ATP12A: variants seen among roughly 807,000 people sequenced by gnomAD.
The protein encoded by ATP12A is ATPase H+/K+ transporting non-gastric alpha2 subunit.
A neutral mutation model predicts 111.2 loss-of-function variants in ATP12A; 81 were observed. The ratio of observed to expected loss-of-function variants is 0.73; its 90% CI spans 0.61 to 0.88. The LOEUF (loss-of-function observed/expected upper bound fraction) is 0.88, where lower values mean the gene tolerates loss of function less well. ATP12A is among the 40% of genes least tolerant of loss of function. ATP12A has a pLI of 0.00. For missense variants in ATP12A, 1,196 were observed against 1,313.1 expected (o/e 0.91, Z 1.38); for synonymous variants, 498 against 499.8 (o/e 1.00, Z 0.05).
chr13:24,695,376 C>A (rs567779673), intron 11 of ATP12A, among the ~76,000 whole-genome samples: 1 of 152,224 alleles, frequency 6.6e-6, no homozygotes, highest in South Asian at 2.1e-4. Flanking sequence ...CAGGGCTGGC[C>A]GACAGTCAGC....
At chr13:24,705,887 T>C (rs2137718602) in intron 14 of ATP12A, among the ~76,000 whole-genome samples, 1 of 152,274 alleles carries the variant, frequency 6.6e-6, no homozygotes. Context: ...TTGCCCAGGC[T>C]GGTCTTGAAC....
At chr13:24,710,330 A>T (rs2137725711) in intron 19 of ATP12A, 130 bp from the exon 20 acceptor site, 1 of 1,112,282 alleles carries the variant, frequency 9.0e-7, no homozygotes, top group Non-Finnish European at 1.3e-6. Flanking sequence ...CTTTCCAAAC[A>T]CTAGAAGGTG....
At chr13:24,682,087 G>GGT (rs564396132) in intron 2 of ATP12A, among the ~76,000 whole-genome samples, 11,484 of 111,672 alleles carry the variant, frequency 0.1, 1,144 homozygotes, top group South Asian at 0.13. Flanking sequence ...GTGTATGTGT[G>GGT]GTGTGTGTGA....
intron 5 of ATP12A, among the ~76,000 whole-genome samples, chr13:24,690,029 G>T (rs895892810): frequency 6.6e-5 from 10 of 152,116 alleles, no homozygotes; most frequent in Admixed American, 3.3e-4. Flanking sequence ...GGCTTGGCCA[G>T]ATCTGGCCAA....
intron 10 of ATP12A, 35 bp downstream of exon 10, chr13:24,692,931 G>C: frequency 6.3e-7 from 1 of 1,586,186 alleles, no homozygotes; most frequent in Non-Finnish European, 8.7e-7. Context: ...TTAAATCACA[G>C]CCAGTTTGTA....
chr13:24,692,784 C>T lies in ATP12A; in HGVS notation c.1268-3C>T, dbSNP rs1341484513. On this transcript the variant is annotated splice_polypyrimidine_tract_variant and splice_region_variant and intron_variant, in intron 9 of 22. Coordinates refer to ENST00000381946, the MANE Select transcript of ATP12A (RefSeq NM_001676.7). The stretch of plus-strand genomic sequence containing the variant: ...CAGCCACTGTTCTTTCTCTGTCTTC[C>T]AGACCAAGTCTTTGACCAAAGCTCT... The T allele has an allele frequency of 6.2e-7, 1 of 1,613,692 alleles. No individual in the cohort carries two copies. The highest frequency in any genetic ancestry group is 8.5e-7 in the Non-Finnish European group (1 of 1,179,696).
chr13:24,698,080 T>C (rs565862106), intron 11 of ATP12A, among the ~76,000 whole-genome samples: 6 of 152,272 alleles, frequency 3.9e-5, no homozygotes, highest in Non-Finnish European at 7.3e-5. Context: ...AGAAGTAGAA[T>C]TGCTGGGTCA....
chr13:24,692,857 A>T lies in ATP12A; in HGVS notation c.1338A>T (p.Ala446=). The change falls in exon 10 of 23, where the codon GCA becomes GCT. Residue 446 remains alanine, a synonymous_variant. Coordinates refer to ENST00000381946, the MANE Select transcript of ATP12A (RefSeq NM_001676.7). ...LSKIITLCNR[A]EFKPGQENVP... is the part of the protein sequence containing the mutation. ...AGATAATAACATTGTGTAACCGAGC[A>T]GAGTTCAAGCCAGGACAGGAAAATG... 1 of 1,614,252 alleles carries T rather than the reference A, an allele frequency of 6.2e-7. No individual in the cohort carries two copies.
intron 1 of ATP12A, 108 bp downstream of exon 1, chr13:24,680,860 C>CT: frequency 7.2e-7 from 1 of 1,381,466 alleles, no homozygotes; most frequent in Non-Finnish European, 9.3e-7. Context: ...GAGAAACGCC[C>CT]CGTCCCGGGG....
intron 10 of ATP12A, among the ~76,000 whole-genome samples, chr13:24,693,842 G>A (rs115320341): frequency 1.3e-5 from 2 of 152,206 alleles, no homozygotes; most frequent in African/African-American, 4.8e-5. Flanking sequence ...GTATTTGTCA[G>A]CAGTACCTTG....
intron 15 of ATP12A, 46 bp downstream of exon 15, chr13:24,706,509 C>T: frequency 6.3e-7 from 1 of 1,599,186 alleles, no homozygotes. Context: ...CCATCACTGT[C>T]CATGGGCAAG....
intron 17 of ATP12A, among the ~76,000 whole-genome samples, chr13:24,708,952 AG>A (rs1875822827): frequency 7.1e-6 from 1 of 140,492 alleles, no homozygotes; most frequent in African/African-American, 2.7e-5. Flanking sequence ...AAAGAAAGAA[AG>A]AAAGAAAGAA....
chr13:24,708,598 C>A (rs904800356), intron 17 of ATP12A, among the ~76,000 whole-genome samples: 1 of 152,086 alleles, frequency 6.6e-6, no homozygotes, highest in Non-Finnish European at 1.5e-5. Flanking sequence ...CATGCACACT[C>A]TGGGCACTGG....
At chr13:24,686,949 C>T (rs1456548341) in intron 3 of ATP12A, among the ~76,000 whole-genome samples, 2 of 151,578 alleles carry the variant, frequency 1.3e-5, no homozygotes, top group Non-Finnish European at 2.9e-5. Flanking sequence ...AGGGTGGAGG[C>T]GATGATGAAC....
At chr13:24,694,363 G>C in intron 10 of ATP12A, 81 bp from the exon 11 acceptor site, 1 of 1,544,442 alleles carries the variant, frequency 6.5e-7, no homozygotes, top group Non-Finnish European at 8.8e-7. Flanking sequence ...GGGATCAGGA[G>C]GGTGTGTTTT....
chr13:24,706,184 A>G, intron 14 of ATP12A, 129 bp from the exon 15 acceptor site: 2 of 1,215,558 alleles, frequency 1.6e-6, no homozygotes, highest in Non-Finnish European at 2.3e-6. Flanking sequence ...ACCTCACTAG[A>G]GCATTAGGTA....
At position 24,680,618 on chromosome 13, in the gene ATP12A, T is replaced by C; in HGVS notation, c.-126T>C. On this transcript the variant is annotated 5_prime_UTR_variant, in exon 1 of 23. Transcript: ENST00000381946. Reference sequence around the variant, plus strand: ...TGCAGGGCCCGCGCCGCCGCCGGTATCTCCACCGCCAACACCTCAGCCACT... The same window carrying C: ...TGCAGGGCCCGCGCCGCCGCCGGTACCTCCACCGCCAACACCTCAGCCACT... The C allele has an allele frequency of 5.2e-6, 6 of 1,159,560 alleles. No homozygotes were observed. Among genetic ancestry groups the C allele is most frequent in the Non-Finnish European group, 7.1e-6 (6 of 844,578 alleles). 71.8% of individuals were successfully genotyped at this position (1,159,560 alleles called of 1,614,324 possible). A position where few individuals can be genotyped will look rare whatever the true frequency, so the allele number is the denominator to read the frequency against.
intron 12 of ATP12A, among the ~76,000 whole-genome samples, chr13:24,700,244 C>T (rs1375277727): frequency 2.0e-5 from 3 of 152,154 alleles, no homozygotes; most frequent in East Asian, 1.9e-4. Context: ...TGTGCCCCTC[C>T]GCTGAACCCC....
intron 2 of ATP12A, among the ~76,000 whole-genome samples, chr13:24,684,119 T>C (rs1425926028): frequency 6.9e-6 from 1 of 145,276 alleles, no homozygotes; most frequent in East Asian, 2.2e-4. Context: ...TGAGGTCCCA[T>C]GCATGCAAAC....
Sources: gnomAD v4.1 joint callset for allele counts (sites outside exome capture counted in the v4.1 genomes callset) on GRCh38, gnomAD v4.1.1 for gene constraint, MANE v1.5 for transcripts, NCBI Gene and HGNC (gene_info 2026-07-23, HGNC 2026-07-21) for gene names.